Variants in OLFM3 observed in about 807,000 individuals in gnomAD.
The protein encoded by OLFM3 is noelin-3.
OLFM3 carries 20 observed loss-of-function variants against 48.6 expected under a neutral mutation model. That is an observed-to-expected ratio of 0.41 (90% CI 0.29 to 0.60). OLFM3 has a LOEUF of 0.60. Among genes scored for constraint, OLFM3 ranks in the 20% least tolerant of loss-of-function variants. The probability of loss-of-function intolerance (pLI) is 0.28; values close to 1 mark genes in which losing one functional copy is unlikely to be tolerated. For synonymous variants in OLFM3, 222 were observed against 198.1 expected, an observed-to-expected ratio of 1.12 and a Z score of -1.01; for missense variants, 437 against 544.3, an observed-to-expected ratio of 0.80 and a Z score of 1.96.
At chr1:101,928,438 T>C (rs1659343387) in intron 1 of OLFM3, among the ~76,000 whole-genome samples, 1 of 152,164 alleles carries the variant, frequency 6.6e-6, no homozygotes, top group South Asian at 2.1e-4. Context: ...CCTTCTTATC[T>C]ACTTGTGTCT....
intron 1 of OLFM3, among the ~76,000 whole-genome samples, chr1:101,926,295 T>A (rs919987746): frequency 2.0e-5 from 3 of 152,198 alleles, no homozygotes; most frequent in African/African-American, 7.2e-5. Flanking sequence ...TGATATTGAA[T>A]CTATATCTAA....
chr1:101,884,088 T>G (rs1407155837), intron 1 of OLFM3, among the ~76,000 whole-genome samples: 1 of 152,008 alleles, frequency 6.6e-6, no homozygotes, highest in Admixed American at 6.6e-5. Context: ...TTCCTTGACT[T>G]CTTAGATCAT....
intron 1 of OLFM3, among the ~76,000 whole-genome samples, chr1:101,889,478 A>G (rs539633401): frequency 1.2e-4 from 19 of 152,236 alleles, no homozygotes; most frequent in Non-Finnish European, 2.4e-4. Context: ...CAGGGTGGGT[A>G]ACATCACACA....
chr1:101,834,338 C>T (rs10782854), intron 2 of OLFM3, among the ~76,000 whole-genome samples: 57,065 of 152,004 alleles, frequency 0.38, 11,642 homozygotes, highest in East Asian at 0.53. Flanking sequence ...GAAGTAGATA[C>T]AAAATATAAT....
At chr1:101,833,850 T>C (rs1655279750) in intron 2 of OLFM3, among the ~76,000 whole-genome samples, 1 of 152,190 alleles carries the variant, frequency 6.6e-6, no homozygotes, top group Non-Finnish European at 1.5e-5. Flanking sequence ...AAACTGTGTA[T>C]TAGAAATCTT....
chr1:101,914,840 T>C (rs1177834318), intron 1 of OLFM3, among the ~76,000 whole-genome samples: 1 of 152,210 alleles, frequency 6.6e-6, no homozygotes, highest in East Asian at 1.9e-4. Context: ...AGTCCATCTA[T>C]AAAAACATAT....
At chr1:101,847,399 A>G (rs1656050758) in intron 1 of OLFM3, among the ~76,000 whole-genome samples, 1 of 152,104 alleles carries the variant, frequency 6.6e-6, no homozygotes, top group African/African-American at 2.4e-5. Context: ...GGTCTGCCAA[A>G]GTGCACATTT....
chr1:101,933,201 C>CAAAAAAAAAAAAAAAAAAAA (rs761881274), intron 1 of OLFM3, among the ~76,000 whole-genome samples: 3 of 40,122 alleles, frequency 7.5e-5, no homozygotes, highest in African/African-American at 9.1e-5. Context: ...GACTCCATCT[C>CAAAAAAAAAAAAAAAAAAAA]AAAAAAAAAA....
intron 1 of OLFM3, among the ~76,000 whole-genome samples, chr1:101,839,135 T>C (rs1315348222): frequency 6.6e-6 from 1 of 152,214 alleles, no homozygotes; most frequent in Non-Finnish European, 1.5e-5. Flanking sequence ...CTTTTGAATG[T>C]CTTATTTTCT....
chr1:101,969,083 A>G (rs963382318), intron 1 of OLFM3, among the ~76,000 whole-genome samples: 3 of 152,180 alleles, frequency 2.0e-5, no homozygotes, highest in African/African-American at 7.2e-5. Context: ...TTTGCATGGC[A>G]GGGCTATTTG....
chr1:101,846,706 A>C, intron 1 of OLFM3: 1 of 611,326 alleles, frequency 1.6e-6, no homozygotes, highest in Non-Finnish European at 3.0e-6. Context: ...AAATATGATG[A>C]AAGTTACCAC....
At chr1:101,980,600 A>C (rs1661081782) in intron 1 of OLFM3, among the ~76,000 whole-genome samples, 1 of 152,170 alleles carries the variant, frequency 6.6e-6, no homozygotes, top group South Asian at 2.1e-4. Flanking sequence ...AGCAATGCGG[A>C]ACTGTGAGTC....
chr1:101,916,759 GT>G (rs1365973231), intron 1 of OLFM3, among the ~76,000 whole-genome samples: 2 of 152,118 alleles, frequency 1.3e-5, no homozygotes, highest in Non-Finnish European at 2.9e-5. Flanking sequence ...ATGTCAAAGA[GT>G]TTTTGTGATT....
chr1:101,870,390 TC>T (rs951906880), intron 1 of OLFM3, among the ~76,000 whole-genome samples: 1 of 152,184 alleles, frequency 6.6e-6, no homozygotes, highest in Non-Finnish European at 1.5e-5. Context: ...GTCATATTTT[TC>T]CCCACAGCTA....
At chr1:101,925,533 C>T (rs1327587) in intron 1 of OLFM3, among the ~76,000 whole-genome samples, 74,479 of 151,412 alleles carry the variant, frequency 0.49, 18,810 homozygotes, top group East Asian at 0.64. Context: ...TTAATTTATT[C>T]TTACAGACAG....
In OLFM3 at chr1:101,804,645, A is replaced by G; in HGVS notation, c.970T>C (p.Phe324Leu). The G allele has an allele frequency of 6.2e-7, 1 of 1,612,576 alleles. No individual in the cohort carries two copies. Among genetic ancestry groups the G allele is most frequent in the Non-Finnish European group, 8.5e-7 (1 of 1,179,188 alleles). The change falls in exon 6 of 6, where the codon TTC becomes CTC. Residue 324 changes from phenylalanine to leucine, a missense_variant. By Grantham distance (22) the Phe-to-Leu change is conservative (BLOSUM62 0). Coordinates refer to ENST00000370103, the MANE Select transcript of OLFM3 (RefSeq NM_058170.4). The surrounding 1 kb of genome is among the most constrained non-coding windows in gnomAD (Gnocchi z 4.5). ...TCAGCCATTAGGTCGATGTCAGAGA[A>G]TCCACCCCATGTGTAGGGGTAAACA... ...HNVYPYTWGG[F>L]SDIDLMADEI...
At chr1:101,853,535 A>G (rs146167229) in intron 1 of OLFM3, among the ~76,000 whole-genome samples, 4 of 152,246 alleles carry the variant, frequency 2.6e-5, no homozygotes, top group Non-Finnish European at 4.4e-5. Flanking sequence ...TGAGGGAGAA[A>G]TGATTCCTGG....
intron 1 of OLFM3, among the ~76,000 whole-genome samples, chr1:101,990,661 T>C (rs1483442072): frequency 1.3e-5 from 2 of 152,036 alleles, no homozygotes; most frequent in Non-Finnish European, 2.9e-5. Flanking sequence ...ATTTAAAATA[T>C]TGTCATAATA....
At chr1:101,945,142 A>G (rs190088209) in intron 1 of OLFM3, among the ~76,000 whole-genome samples, 279 of 152,346 alleles carry the variant, frequency 1.8e-3, no homozygotes, top group African/African-American at 6.0e-3. Context: ...ACCATATTAG[A>G]TAGCCATTTC....
Sources: gnomAD v4.1 joint callset for allele counts (sites outside exome capture counted in the v4.1 genomes callset) on GRCh38, gnomAD v4.1.1 for gene constraint, Gnocchi (gnomAD v3.1) non-coding constraint, MANE v1.5 for transcripts, NCBI Gene and HGNC (gene_info 2026-07-23, HGNC 2026-07-21) for gene names.